The following RFC1 variants were observed in gnomAD, a reference collection of about 807,000 sequenced individuals.
RFC1 encodes replication factor C subunit 1.
A neutral mutation model predicts 137.4 loss-of-function variants in RFC1; 37 were observed. That is an observed-to-expected ratio of 0.27 (90% CI 0.21 to 0.35). The LOEUF (loss-of-function observed/expected upper bound fraction) is 0.35. Among genes scored for constraint, RFC1 ranks in the 10% least tolerant of loss-of-function variants. RFC1 has a pLI of 1.00. For synonymous variants in RFC1, 429 were observed against 455.7 expected, an observed-to-expected ratio of 0.94 and a Z score of 0.75; for missense variants, 1,205 against 1,358.5, an observed-to-expected ratio of 0.89 and a Z score of 1.78.
At chr4:39,305,612 CA>C (rs1234102237) in intron 14 of RFC1, among the ~76,000 whole-genome samples, 1 of 151,442 alleles carries the variant, frequency 6.6e-6, no homozygotes, top group Non-Finnish European at 1.5e-5. Context: ...TGTCTCAAAA[CA>C]AAAAAATAAA....
intron 13 of RFC1, among the ~76,000 whole-genome samples, chr4:39,308,236 A>G (rs938210014): frequency 6.6e-6 from 1 of 151,996 alleles, no homozygotes; most frequent in African/African-American, 2.4e-5. Context: ...TTCCTACCCA[A>G]CACTCATCTC....
chr4:39,311,354 A>G (rs903314980), intron 12 of RFC1, 91 bp downstream of exon 12: 4 of 1,000,304 alleles, frequency 4.0e-6, no homozygotes, highest in East Asian at 2.6e-5. Context: ...TTAATCTTTC[A>G]GCCAACAAGC....
intron 4 of RFC1, among the ~76,000 whole-genome samples, chr4:39,329,926 T>C (rs976139871): frequency 3.3e-5 from 5 of 151,894 alleles, no homozygotes; most frequent in African/African-American, 9.7e-5. Context: ...TCCCAGCTAT[T>C]TGGGCAGCTG....
At chr4:39,336,712 G>A (rs1009765587) in intron 4 of RFC1, among the ~76,000 whole-genome samples, 3 of 152,186 alleles carry the variant, frequency 2.0e-5, no homozygotes, top group Non-Finnish European at 4.4e-5. Context: ...TATTGCCAAA[G>A]GCCCCTCAGA....
chr4:39,328,449 TA>T lies in RFC1; in HGVS notation c.332-694del, dbSNP rs17334867. On this transcript the variant is annotated intron_variant, in intron 4 of 24. Coordinates refer to ENST00000349703, the MANE Select transcript of RFC1 (RefSeq NM_002913.5). ...AAAAAGTAAAACAGGGTGAAAGAATTAAAGAGTGATGAAGGGTACTCTTTGA... is the reference window on the plus strand; with the variant it reads ...AAAAAGTAAAACAGGGTGAAAGAATTAAGAGTGATGAAGGGTACTCTTTGA... Among the ~76,000 whole-genome samples the T allele has an allele frequency of 2.9e-3, 435 of 152,320 alleles. 10 individuals carry two copies. In the East Asian group the frequency reaches 0.073, roughly 25 times the overall value.
At chr4:39,337,022 C>A (rs1452132363) in intron 4 of RFC1, among the ~76,000 whole-genome samples, 1 of 152,092 alleles carries the variant, frequency 6.6e-6, no homozygotes, top group Non-Finnish European at 1.5e-5. Flanking sequence ...ATCCAAAGAT[C>A]TAGATTCTTC....
At chr4:39,308,131 A>G (rs1267765741) in intron 13 of RFC1, among the ~76,000 whole-genome samples, 1 of 152,158 alleles carries the variant, frequency 6.6e-6, no homozygotes, top group Non-Finnish European at 1.5e-5. Flanking sequence ...CCCTGCACGC[A>G]TGCCTCTGTT....
At chr4:39,327,152 T>C (rs1434985469) in intron 5 of RFC1, among the ~76,000 whole-genome samples, 3 of 152,198 alleles carry the variant, frequency 2.0e-5, no homozygotes, top group South Asian at 2.1e-4. Context: ...AAGTGTAGCA[T>C]AGGTATGCTC....
At chr4:39,313,340 A>G (rs1211797299) in intron 10 of RFC1, among the ~76,000 whole-genome samples, 3 of 152,348 alleles carry the variant, frequency 2.0e-5, no homozygotes, top group South Asian at 2.1e-4. Flanking sequence ...AACTTTCCCA[A>G]CAAGAATTTA....
At chr4:39,350,872 T>C (rs1357957339) in intron 2 of RFC1, among the ~76,000 whole-genome samples, 3 of 152,168 alleles carry the variant, frequency 2.0e-5, no homozygotes, top group Admixed American at 1.3e-4. Context: ...TTTTAAAAAA[T>C]ACACATCTAT....
chr4:39,350,003 T>C (rs1450963799), intron 2 of RFC1, among the ~76,000 whole-genome samples: 1 of 151,904 alleles, frequency 6.6e-6, no homozygotes, highest in Non-Finnish European at 1.5e-5. Context: ...AAACTCCATC[T>C]CAAAATAAAA....
Position 39,311,538 on chromosome 4 carries a change from C to T in RFC1, c.1395G>A (p.Leu465=). 6.2e-7 allele frequency: 1 copy of T among 1,613,720 alleles called. No homozygotes were observed. The highest frequency in any genetic ancestry group is 8.5e-7 in the Non-Finnish European group (1 of 1,179,796). The change falls in exon 12 of 25, where the codon TTG becomes TTA. Residue 465 remains leucine, a synonymous_variant. Transcript: ENST00000349703. ...CATCTTCATCAATAATTTTTGTCCC[C>T]AAGGCTGCGGCCTGTTGATTAAAAA... is the stretch of plus-strand genomic sequence containing the variant. ...GQSKSDKAAA[L]GTKIIDEDGL...
At chr4:39,301,782 C>T (rs1738374950) in intron 19 of RFC1, among the ~76,000 whole-genome samples, 1 of 152,096 alleles carries the variant, frequency 6.6e-6, no homozygotes, top group African/African-American at 2.4e-5. Context: ...CCTGTCTCTA[C>T]CAAAAATTTT....
chr4:39,345,528 T>G (rs758570062), intron 2 of RFC1, 52 bp from the exon 3 acceptor site: 2 of 1,330,770 alleles, frequency 1.5e-6, no homozygotes, highest in East Asian at 4.9e-5. Context: ...ATAACTATCT[T>G]TTTTTTTTTT....
intron 21 of RFC1, among the ~76,000 whole-genome samples, chr4:39,298,009 T>C (rs1330665963): frequency 6.6e-6 from 1 of 152,044 alleles, no homozygotes; most frequent in Non-Finnish European, 1.5e-5. Flanking sequence ...ACAAAACACA[T>C]AAAATGTAAA....
intron 4 of RFC1, among the ~76,000 whole-genome samples, chr4:39,328,031 G>C (rs1270718417): frequency 2.0e-5 from 3 of 152,152 alleles, no homozygotes; most frequent in African/African-American, 7.2e-5. Flanking sequence ...AGCTACTAGG[G>C]AGGCTGAGGC....
chr4:39,329,127 CA>C (rs71594924), intron 4 of RFC1, among the ~76,000 whole-genome samples: 325 of 31,598 alleles, frequency 0.01, no homozygotes, highest in South Asian at 0.046. Context: ...CAGTGACTCA[CA>C]AAAAAAAAAA....
intron 1 of RFC1, chr4:39,356,050 G>A (rs1741463058): frequency 6.8e-6 from 1 of 146,628 alleles, no homozygotes; most frequent in Admixed American, 6.9e-5. Flanking sequence ...AGGCAATCTA[G>A]CCACACTTAC....
At chr4:39,356,390 A>G (rs1741482724) in intron 1 of RFC1, among the ~76,000 whole-genome samples, 1 of 152,154 alleles carries the variant, frequency 6.6e-6, no homozygotes, top group Non-Finnish European at 1.5e-5. Context: ...AAAGTGCAAA[A>G]CTCCGTCTTA....
Sources: gnomAD v4.1 joint callset for allele counts (sites outside exome capture counted in the v4.1 genomes callset) on GRCh38, gnomAD v4.1.1 for gene constraint, MANE v1.5 for transcripts, NCBI Gene and HGNC (gene_info 2026-07-23, HGNC 2026-07-21) for gene names.